Variants in NIPAL3 observed in about 807,000 individuals in gnomAD.
The protein encoded by NIPAL3 is NIPA like domain containing 3, also known as NIPA-like protein 3.
Under a neutral mutation model 47.2 loss-of-function variants are expected in NIPAL3, and 41 were observed. The observed-to-expected ratio is 0.87, with a 90% confidence interval of 0.68 to 1.13. The LOEUF is 1.13. Ranked by LOEUF, NIPAL3 falls within the 50% of genes most tolerant of loss-of-function variation. The pLI, the probability that NIPAL3 is intolerant of heterozygous loss-of-function variation, is 0.00. For missense variants in NIPAL3, 449 were observed against 530.1 expected (o/e 0.85, Z 1.50); for synonymous variants, 194 against 209.6 (o/e 0.93, Z 0.64).
At chr1:24,433,927 C>G (rs4648986) in intron 2 of NIPAL3, among the ~76,000 whole-genome samples, 65,051 of 151,906 alleles carry the variant, frequency 0.43, 15,239 homozygotes, top group African/African-American at 0.64. Flanking sequence ...TCAGCACAGC[C>G]ATTAAGAAAA....
At position 24,469,337 on chromosome 1, in the gene NIPAL3, C is replaced by G; in HGVS notation, c.*152C>G. ...AAGCCTTTGTCTCTGGGAAAGGATGCGTTATCTTGGTCTTGGAAATTTCAA... is the reference window on the plus strand; with the variant it reads ...AAGCCTTTGTCTCTGGGAAAGGATGGGTTATCTTGGTCTTGGAAATTTCAA... On this transcript the variant is annotated 3_prime_UTR_variant, in exon 12 of 12. Transcript: ENST00000374399. The G allele has an allele frequency of 1.6e-6, 1 of 638,420 alleles. No homozygotes were observed. Among genetic ancestry groups the G allele is most frequent in the Non-Finnish European group, 2.6e-6 (1 of 380,260 alleles). The allele number at this position is 638,420 out of a possible 1,614,324, so 39.5% of individuals were successfully genotyped here. A position where few individuals can be genotyped will look rare whatever the true frequency, so the allele number is the denominator to read the frequency against.
chr1:24,441,518 G>A (rs1156610194), intron 3 of NIPAL3, among the ~76,000 whole-genome samples: 1 of 152,116 alleles, frequency 6.6e-6, no homozygotes, highest in Non-Finnish European at 1.5e-5. Context: ...CCATGCTTGA[G>A]CCACGTATCC....
upstream of NIPAL3, chr1:24,414,229 A>G (rs1237032097): frequency 6.6e-6 from 1 of 151,730 alleles, no homozygotes; most frequent in Non-Finnish European, 1.5e-5. Context: ...TATTTTTAGT[A>G]GAGACAGGGT....
chr1:24,428,770 T>C (rs1426307330), intron 2 of NIPAL3, among the ~76,000 whole-genome samples: 1 of 152,216 alleles, frequency 6.6e-6, no homozygotes, highest in Non-Finnish European at 1.5e-5. Flanking sequence ...AAGTCTTCCC[T>C]TGGCCCATAC....
intron 7 of NIPAL3, among the ~76,000 whole-genome samples, chr1:24,453,757 A>G (rs1189671374): frequency 6.6e-6 from 1 of 152,132 alleles, no homozygotes; most frequent in Non-Finnish European, 1.5e-5. Context: ...AGGTCATGTA[A>G]GTTTGGGCAA....
At chr1:24,426,346 A>G (rs1453163888) in intron 2 of NIPAL3, among the ~76,000 whole-genome samples, 1 of 151,644 alleles carries the variant, frequency 6.6e-6, no homozygotes, top group African/African-American at 2.4e-5. Context: ...CCAGGCTGGA[A>G]TGCAGTGGCG....
chr1:24,420,643 G>A (rs1008891179), intron 2 of NIPAL3, among the ~76,000 whole-genome samples: 2 of 152,104 alleles, frequency 1.3e-5, no homozygotes, highest in Admixed American at 1.3e-4. Flanking sequence ...TGCACATAAA[G>A]TTTTGTATCT....
chr1:24,422,064 A>G (rs1257945927), intron 2 of NIPAL3: 2 of 152,226 alleles, frequency 1.3e-5, no homozygotes, highest in African/African-American at 2.4e-5. Context: ...CAGATGGAAT[A>G]TGTATGGAAA....
chr1:24,467,757 T>TAGCCCAGTCA (rs1646760375), intron 11 of NIPAL3, among the ~76,000 whole-genome samples: 1 of 152,108 alleles, frequency 6.6e-6, no homozygotes, highest in Non-Finnish European at 1.5e-5. Context: ...AGTCAGGTGT[T>TAGCCCAGTCA]GTAGCTCACA....
chr1:24,440,936 C>T (rs2235556), intron 3 of NIPAL3, among the ~76,000 whole-genome samples: 37,908 of 152,120 alleles, frequency 0.25, 5,094 homozygotes, highest in East Asian at 0.47. Context: ...CAGTTGCCCA[C>T]GGGACTAATC....
chr1:24,468,452 T>C (rs1174860152), intron 11 of NIPAL3, among the ~76,000 whole-genome samples: 1 of 152,194 alleles, frequency 6.6e-6, no homozygotes, highest in Non-Finnish European at 1.5e-5. Context: ...CTTGTCAAAG[T>C]ACCCAGAAGT....
intron 4 of NIPAL3, among the ~76,000 whole-genome samples, chr1:24,443,566 T>A (rs1645501785): frequency 6.6e-6 from 1 of 152,196 alleles, no homozygotes; most frequent in African/African-American, 2.4e-5. Flanking sequence ...GAATTCTCAG[T>A]GCTTCCAACA....
rs964362525 is a variant in NIPAL3, at chr1:24,416,116, G to C, written c.-258+212G>C. ...CGGGGGCATGGGCTACCTTACTAAAGGTGATGCCAGGCTCTACCAAACCAG... is the reference window on the plus strand; with the variant it reads ...CGGGGGCATGGGCTACCTTACTAAACGTGATGCCAGGCTCTACCAAACCAG... On this transcript the variant is annotated intron_variant, in intron 1 of 11. Transcript: ENST00000374399. This position sits in a 1 kb window ranked among gnomAD's most constrained non-coding sequence, Gnocchi z 4.8. 2.5e-5 allele frequency: 25 copies of C among 985,360 alleles called. No homozygotes were observed. Among genetic ancestry groups the C allele is most frequent in the Non-Finnish European group, 2.9e-5 (24 of 829,996 alleles). 61.0% of individuals were successfully genotyped at this position (985,360 alleles called of 1,614,324 possible). A position where few individuals can be genotyped will look rare whatever the true frequency, so the allele number is the denominator to read the frequency against.
In NIPAL3 at chr1:24,469,099, A is replaced by G. The variant is rs762832290; in HGVS notation, c.1135A>G (p.Thr379Ala). ...DNISEIYAPATLPVMQEEHGS... is the reference protein window; with the variant it reads ...DNISEIYAPAALPVMQEEHGS... ...CATTTCTGAGATCTACGCTCCTGCC[A>G]CCCTGCCAGTCATGCAAGAAGAGCA... Residue 379 changes from threonine to alanine, a missense_variant, in exon 12 of 12, where the codon ACC becomes GCC. Thr to Ala is a moderately conservative substitution (Grantham distance 58, BLOSUM62 0). Coordinates refer to ENST00000374399, the MANE Select transcript of NIPAL3 (RefSeq NM_020448.5). The G allele has an allele frequency of 3.7e-6, 6 of 1,613,996 alleles. No individual in the cohort carries two copies. In the East Asian group the frequency reaches 1.3e-4, roughly 36 times the overall value.
At chr1:24,455,883 A>G (rs1297832795) in intron 7 of NIPAL3, among the ~76,000 whole-genome samples, 1 of 152,152 alleles carries the variant, frequency 6.6e-6, no homozygotes, top group African/African-American at 2.4e-5. Context: ...AGTGATGTCT[A>G]GGATTACCTT....
chr1:24,450,658 C>T (rs986390118), intron 6 of NIPAL3, among the ~76,000 whole-genome samples: 21 of 152,140 alleles, frequency 1.4e-4, no homozygotes. Context: ...GGTGAGAAAA[C>T]CAGGGCTCTG....
intron 2 of NIPAL3, among the ~76,000 whole-genome samples, chr1:24,430,163 C>T (rs947303511): frequency 1.3e-5 from 2 of 151,864 alleles, no homozygotes; most frequent in African/African-American, 4.8e-5. Context: ...AGCTAAAGTG[C>T]TAAGAACTTT....
intron 2 of NIPAL3, among the ~76,000 whole-genome samples, chr1:24,422,276 G>T (rs1644369173): frequency 6.6e-6 from 1 of 152,248 alleles, no homozygotes; most frequent in South Asian, 2.1e-4. Context: ...TTCATCTAGG[G>T]CTCTGTTGGG....
In NIPAL3 at chr1:24,472,940, TTATGA is replaced by T. The variant is rs1276738580; in HGVS notation, c.*3756_*3760del. On this transcript the variant is annotated 3_prime_UTR_variant, in exon 12 of 12. Transcript: ENST00000374399. ...AAAAAAGTACTAGGTGCAAATAACA[TTATGA>T]AGTGGTATTTAATTAAAAATCCATG... 1 of 152,148 alleles carries T rather than the reference TTATGA, an allele frequency of 6.6e-6. No individual in the cohort carries two copies. Among genetic ancestry groups the T allele is most frequent in the Non-Finnish European group, 1.5e-5 (1 of 68,030 alleles). The allele number at this position is 152,148 out of a possible 1,614,324, so 9.4% of individuals were successfully genotyped here.
Sources: allele counts gnomAD v4.1 joint callset (sites outside exome capture counted in the v4.1 genomes callset), GRCh38; gene constraint gnomAD v4.1.1; non-coding constraint Gnocchi (gnomAD v3.1); transcripts MANE v1.5; gene names NCBI Gene and HGNC (gene_info 2026-07-23, HGNC 2026-07-21).